The following F9 variants were observed in gnomAD, a reference collection of about 807,000 sequenced individuals.
F9 encodes Christmas factor.
A neutral mutation model predicts 34.1 loss-of-function variants in F9; 2 were observed. That is an observed-to-expected ratio of 0.06 (90% CI 0.02 to 0.18). The LOEUF (loss-of-function observed/expected upper bound fraction) is 0.18, where lower values mean the gene tolerates loss of function less well. Ranked by LOEUF, F9 falls within the 10% of genes least tolerant of loss-of-function variation. The probability of loss-of-function intolerance (pLI) is 1.00; values close to 1 mark genes in which losing one functional copy is unlikely to be tolerated. For missense variants in F9, 216 were observed against 345.1 expected (o/e 0.63, Z 2.96); for synonymous variants, 137 against 118.8 (o/e 1.15, Z -1.00).
chrX:139,556,503 T>A (rs1447236705), intron 6 of F9, among the ~76,000 whole-genome samples: 1 of 111,852 alleles, frequency 8.9e-6, no homozygotes, highest in Non-Finnish European at 1.9e-5. Flanking sequence ...TGCAAAGTTA[T>A]TATATGTATG....
chrX:139,550,071 T>G (rs1927806240), intron 5 of F9, among the ~76,000 whole-genome samples: 1 of 111,646 alleles, frequency 9.0e-6, no homozygotes, highest in Non-Finnish European at 1.9e-5. Context: ...TCTTCTATGC[T>G]ATAAAAGAGA....
Position 139,541,131 on chromosome X carries a change from C to T in F9, c.333C>T (p.Asp111=), listed in dbSNP as rs139289585. 85 of 1,199,542 alleles carry T rather than the reference C, an allele frequency of 7.1e-5. No individual in the cohort carries two copies. The highest frequency in any genetic ancestry group is 9.0e-5 in the Non-Finnish European group (80 of 887,921). Residue 111 remains aspartate (D), a synonymous_variant, in exon 4 of 8, where the codon GAC becomes GAT. Coordinates refer to ENST00000218099, the MANE Select transcript of F9 (RefSeq NM_000133.4). ...TAAATGGCGGCAGTTGCAAGGATGA[C>T]ATTAATTCCTATGAATGTTGGTGTC... ...PCLNGGSCKD[D]INSYECWCPF... is the part of the protein sequence containing the mutation.
At chrX:139,559,308 A>G (rs758436604) in intron 6 of F9, among the ~76,000 whole-genome samples, 1 of 112,698 alleles carries the variant, frequency 8.9e-6, no homozygotes, top group South Asian at 3.6e-4. Context: ...TAATCCCAGC[A>G]CTTTGGGAGG....
At position 139,561,360 on chromosome X, in the gene F9, T is replaced by C. The variant is rs188251960; in HGVS notation, c.839-164T>C. 1.1e-4 allele frequency among the ~76,000 whole-genome samples: 12 copies of C among 112,186 alleles called. No individual in the cohort carries two copies. The Admixed American group carries it at 1.1e-3, about 11-fold the overall frequency. On this transcript the variant is annotated intron_variant, in intron 7 of 7. Coordinates refer to ENST00000218099, the MANE Select transcript of F9 (RefSeq NM_000133.4). ...GATAGTCCTGAATGGCTTTTTGGTC[T>C]GAAAAATATGCATTGGCTCTCATTA...
chrX:139,544,949 T>A (rs1391375246), intron 4 of F9: 2 of 111,590 alleles, frequency 1.8e-5, no homozygotes, highest in African/African-American at 6.5e-5. Context: ...TATGCTTGGG[T>A]ACCCAGAGGG....
chrX:139,550,570 C>T (rs1382056406), intron 5 of F9, among the ~76,000 whole-genome samples: 1 of 111,066 alleles, frequency 9.0e-6, no homozygotes. Flanking sequence ...TGATCTCTCC[C>T]CAGAAAATAT....
intron 6 of F9, among the ~76,000 whole-genome samples, chrX:139,552,320 C>G (rs1164039757): frequency 8.9e-6 from 1 of 112,431 alleles, no homozygotes; most frequent in African/African-American, 3.2e-5. Context: ...TTTCTCCAAG[C>G]GTAGTCTGCA....
chrX:139,560,719 A>C, intron 6 of F9, 22 bp from the exon 7 acceptor site: 1 of 1,027,424 alleles, frequency 9.7e-7, no homozygotes, highest in Non-Finnish European at 1.4e-6. Context: ...ATGCAGTAAG[A>C]GTCTTAATTT....
intron 5 of F9, among the ~76,000 whole-genome samples, chrX:139,548,867 G>A (rs1185440791): frequency 8.9e-6 from 1 of 111,942 alleles, no homozygotes; most frequent in Non-Finnish European, 1.9e-5. Flanking sequence ...TATAAGGACG[G>A]TAAGTTTGAA....
In F9 at chrX:139,530,771, C is replaced by A. The variant is rs766259893; in HGVS notation, c.7C>A (p.Arg3Ser). The change falls in exon 1 of 8, where the codon CGC becomes AGC. Residue 3 changes from arginine (R) to serine (S), a missense_variant. Physicochemically the swap from Arg to Ser is moderately radical, Grantham distance 110 (BLOSUM62 -1). Transcript: ENST00000218099. ...CAATCTGCTAGCAAAGGTTATGCAG[C>A]GCGTGAACATGATCATGGCAGAATC... is the stretch of plus-strand genomic sequence containing the variant. MQ[R>S]VNMIMAESPG... The A allele has an allele frequency of 3.3e-6, 4 of 1,207,811 alleles. No homozygotes were observed. The highest frequency in any genetic ancestry group is 1.7e-5 in the African/African-American group (1 of 57,318).
At chrX:139,549,606 A>G (rs1927795441) in intron 5 of F9, among the ~76,000 whole-genome samples, 1 of 112,722 alleles carries the variant, frequency 8.9e-6, no homozygotes, top group Non-Finnish European at 1.9e-5. Flanking sequence ...CAGCAGGAAC[A>G]TGTCCTTAAG....
At chrX:139,536,902 G>A in intron 1 of F9, 108 bp from the exon 2 acceptor site, 1 of 840,741 alleles carries the variant, frequency 1.2e-6, no homozygotes, top group South Asian at 2.4e-5. Context: ...AAGAGAAATT[G>A]GCTTTCAGAT....
At position 139,535,228 on chromosome X, in the gene F9, G is replaced by A. The variant is rs564955227; in HGVS notation, c.89-1782G>A. ...ACAAAAATTAGCTGGGCATGGTGGCGGGTGCCTGTAATCCCAGCTACTTGG... is the reference window on the plus strand; with the variant it reads ...ACAAAAATTAGCTGGGCATGGTGGCAGGTGCCTGTAATCCCAGCTACTTGG... On this transcript the variant is annotated intron_variant, in intron 1 of 7. Transcript: ENST00000218099. 3.6e-5 allele frequency among the ~76,000 whole-genome samples: 4 copies of A among 110,965 alleles called. No individual in the cohort carries two copies. The East Asian group carries it at 8.6e-4, about 24-fold the overall frequency.
At chrX:139,556,647 C>T (rs4149726) in intron 6 of F9, among the ~76,000 whole-genome samples, 3,406 of 112,180 alleles carry the variant, frequency 0.03, 130 homozygotes, top group African/African-American at 0.11. Flanking sequence ...GAAATAAGAA[C>T]GTGACATGTG....
chrX:139,536,051 G>A (rs1927451998), intron 1 of F9, among the ~76,000 whole-genome samples: 2 of 108,535 alleles, frequency 1.8e-5, no homozygotes, highest in Non-Finnish European at 3.8e-5. Flanking sequence ...ATAACCTTAT[G>A]GGACCACTGT....
chrX:139,554,882 A>G (rs1296204965), intron 6 of F9, among the ~76,000 whole-genome samples: 1 of 112,780 alleles, frequency 8.9e-6, no homozygotes, highest in Non-Finnish European at 1.9e-5. Context: ...CTTGGTGAAG[A>G]AATCTCACAA....
At chrX:139,546,273 G>T (rs1464968902) in intron 4 of F9, among the ~76,000 whole-genome samples, 1 of 112,026 alleles carries the variant, frequency 8.9e-6, no homozygotes, top group Non-Finnish European at 1.9e-5. Flanking sequence ...TTCTATGGCT[G>T]CATAATATTC....
At chrX:139,550,514 G>T (rs1927815589) in intron 5 of F9, among the ~76,000 whole-genome samples, 1 of 111,675 alleles carries the variant, frequency 9.0e-6, no homozygotes, top group African/African-American at 3.3e-5. Flanking sequence ...AATTATATTA[G>T]CAATCTCTTT....
intron 4 of F9, among the ~76,000 whole-genome samples, chrX:139,546,772 TAA>T (rs60062895): frequency 1.5e-3 from 169 of 111,475 alleles, no homozygotes; most frequent in African/African-American, 5.1e-3. Flanking sequence ...GAACTCTACA[TAA>T]AAAATTATGA....
Sources: gnomAD v4.1 joint callset for allele counts (sites outside exome capture counted in the v4.1 genomes callset) on GRCh38, gnomAD v4.1.1 for gene constraint, MANE v1.5 for transcripts, NCBI Gene and HGNC (gene_info 2026-07-23, HGNC 2026-07-21) for gene names.